The following NOS1 variants were observed in gnomAD, a reference collection of about 807,000 sequenced individuals.
NOS1 encodes nitric oxide synthase 1.
A neutral mutation model predicts 164.5 loss-of-function variants in NOS1; 51 were observed. The ratio of observed to expected loss-of-function variants is 0.31; its 90% confidence interval spans 0.25 to 0.39. The LOEUF is 0.39. Ranked by LOEUF, NOS1 falls within the 10% of genes least tolerant of loss-of-function variation. The pLI is 1.00. For synonymous variants in NOS1, 719 were observed against 745.8 expected (o/e 0.96, Z 0.59); for missense variants, 1,362 against 1,885.6 (o/e 0.72, Z 5.14).
At chr12:117,220,047 G>C in intron 27 of NOS1, 28 bp downstream of exon 27, 3 of 1,577,210 alleles carry the variant, frequency 1.9e-6, no homozygotes, top group Non-Finnish European at 2.6e-6. Flanking sequence ...GTAGGAAAAG[G>C]GACCTGGGAA....
At chr12:117,279,112 C>A (rs1465302620) in intron 8 of NOS1, among the ~76,000 whole-genome samples, 3 of 151,964 alleles carry the variant, frequency 2.0e-5, no homozygotes, top group African/African-American at 7.2e-5. Context: ...GGCGCGGTGG[C>A]TCACGCCTGT....
At chr12:117,296,089 G>T (rs2136034538) in intron 3 of NOS1, among the ~76,000 whole-genome samples, 1 of 152,180 alleles carries the variant, frequency 6.6e-6, no homozygotes, top group Admixed American at 6.5e-5. Context: ...ATATCTTGTA[G>T]ATATAGATTT....
At chr12:117,301,101 G>T (rs1459625923) in intron 3 of NOS1, among the ~76,000 whole-genome samples, 1 of 152,198 alleles carries the variant, frequency 6.6e-6, no homozygotes, top group Non-Finnish European at 1.5e-5. Flanking sequence ...TGGCTCGGCT[G>T]TGAACTGCTC....
intron 1 of NOS1, among the ~76,000 whole-genome samples, chr12:117,351,908 T>C (rs1048784368): frequency 6.6e-6 from 1 of 152,184 alleles, no homozygotes; most frequent in Non-Finnish European, 1.5e-5. Context: ...CTGCTGAGCA[T>C]GGTGGCTTAC....
chr12:117,352,171 T>C lies in NOS1; in HGVS notation c.-421+9341A>G, dbSNP rs1219603163. 2.8e-5 allele frequency among the ~76,000 whole-genome samples: 4 copies of C among 140,714 alleles called. No homozygotes were observed. The East Asian group carries it at 9.5e-4, about 34-fold the overall frequency. The allele number at this position is 140,714 out of a possible 152,430, so 92.3% of individuals were successfully genotyped here. A position where few individuals can be genotyped will look rare whatever the true frequency, so the allele number is the denominator to read the frequency against. On this transcript the variant is annotated intron_variant, in intron 1 of 28. Coordinates refer to ENST00000317775, the MANE Select transcript of NOS1 (RefSeq NM_000620.5). ...CTGGGTGACAGAGTAAGACGCTGTC[T>C]CAGAAATACATACATACATACATAC... is the stretch of plus-strand genomic sequence containing the variant.
chr12:117,338,949 C>A (rs1044848264), intron 1 of NOS1, among the ~76,000 whole-genome samples: 6 of 152,186 alleles, frequency 3.9e-5, no homozygotes, highest in African/African-American at 1.4e-4. Context: ...TCCTCCAAGT[C>A]TTCAAAAACA....
rs577190706 is a variant in NOS1 at position 117,286,048 on chromosome 12, C to T, written c.1290+56G>A. On this transcript the variant is annotated intron_variant, in intron 6 of 28. Coordinates refer to ENST00000317775, the MANE Select transcript of NOS1 (RefSeq NM_000620.5). The stretch of plus-strand genomic sequence containing the variant: ...TCCTTTTTAAAGCTCCATCCACTCC[C>T]CTTCCCCTCTTCCCTCATTTAAGGG... 29 of 1,585,830 alleles carry T rather than the reference C, an allele frequency of 1.8e-5. No homozygotes were observed. In the South Asian group the frequency reaches 2.7e-4, roughly 15 times the overall value.
At chr12:117,352,500 C>A (rs1468288702) in intron 1 of NOS1, among the ~76,000 whole-genome samples, 5 of 152,214 alleles carry the variant, frequency 3.3e-5, no homozygotes, top group Non-Finnish European at 7.3e-5. Flanking sequence ...CTGTCGCCTG[C>A]TCACTGCTCA....
At chr12:117,262,383 G>A (rs1566045937) in intron 13 of NOS1, among the ~76,000 whole-genome samples, 2 of 150,986 alleles carry the variant, frequency 1.3e-5, no homozygotes, top group Admixed American at 6.6e-5. Context: ...TTGCTTGGCT[G>A]GGGGATGGGA....
At chr12:117,260,746 G>A (rs1871835135) in intron 13 of NOS1, 137 bp from the exon 14 acceptor site, 1 of 852,322 alleles carries the variant, frequency 1.2e-6, no homozygotes, top group African/African-American at 1.7e-5. Context: ...ATGGCTTCAG[G>A]GGTTTCCTCA....
intron 1 of NOS1, among the ~76,000 whole-genome samples, chr12:117,337,943 G>A (rs893295281): frequency 5.9e-5 from 9 of 152,042 alleles, no homozygotes; most frequent in Non-Finnish European, 1.0e-4. Flanking sequence ...GGACAGGCGC[G>A]GTGGCTCACA....
intron 4 of NOS1, among the ~76,000 whole-genome samples, chr12:117,289,745 C>G (rs1872924837): frequency 6.6e-6 from 1 of 152,142 alleles, no homozygotes; most frequent in Admixed American, 6.6e-5. Context: ...TTCTGTGTCT[C>G]TTTGTCTTGC....
rs1870716055 is a variant in NOS1 at position 117,247,528 on chromosome 12, AAGG to A, written c.2649-9_2649-7del. 2 of 1,606,730 alleles carry A rather than the reference AAGG, an allele frequency of 1.2e-6. No individual in the cohort carries two copies. The highest frequency in any genetic ancestry group is 1.7e-6 in the Non-Finnish European group (2 of 1,176,530). ...CGAGGCCAAAAACTGAGAACCTGTC[AAGG>A]AGATGACAGAATGTTCATGCTAAGG... On this transcript the variant is annotated splice_region_variant and splice_polypyrimidine_tract_variant and intron_variant, in intron 17 of 28. Coordinates refer to ENST00000317775, the MANE Select transcript of NOS1 (RefSeq NM_000620.5).
At chr12:117,302,770 G>A (rs1486858278) in intron 3 of NOS1, among the ~76,000 whole-genome samples, 1 of 151,856 alleles carries the variant, frequency 6.6e-6, no homozygotes, top group Admixed American at 6.6e-5. Flanking sequence ...TTTTGAGATA[G>A]GGTCTCACTC....
At chr12:117,264,919 G>A (rs1357605015) in intron 12 of NOS1, among the ~76,000 whole-genome samples, 2 of 151,852 alleles carry the variant, frequency 1.3e-5, no homozygotes, top group African/African-American at 4.8e-5. Context: ...GGCCAGGCTG[G>A]TCTCGAACTC....
intron 13 of NOS1, among the ~76,000 whole-genome samples, chr12:117,263,617 T>C (rs1160807268): frequency 8.6e-6 from 1 of 116,874 alleles, no homozygotes; most frequent in Non-Finnish European, 1.9e-5. Flanking sequence ...ATTATTATTA[T>C]TATTAGGAGG....
Position 117,209,528 on chromosome 12 carries a change from G to T in NOS1, c.*5781C>A. The stretch of plus-strand genomic sequence containing the variant: ...GGCAGATTTGTTCCCGCCTGCCAGG[G>T]CCATCTCGTTAATAACGGACTGTGT... On this transcript the variant is annotated 3_prime_UTR_variant, in exon 29 of 29. Coordinates refer to ENST00000317775, the MANE Select transcript of NOS1 (RefSeq NM_000620.5). The T allele has an allele frequency of 1.0e-6, 1 of 985,470 alleles. No homozygotes were observed. Among genetic ancestry groups the T allele is most frequent in the Non-Finnish European group, 1.2e-6 (1 of 829,948 alleles). 61.0% of individuals were successfully genotyped at this position (985,470 alleles called of 1,614,324 possible). A position where few individuals can be genotyped will look rare whatever the true frequency, so the allele number is the denominator to read the frequency against.
intron 1 of NOS1, among the ~76,000 whole-genome samples, chr12:117,357,153 T>A (rs1231833434): frequency 2.0e-5 from 3 of 152,064 alleles, no homozygotes; most frequent in Admixed American, 1.3e-4. Flanking sequence ...CAAAACCCCG[T>A]CTCTACAAAA....
chr12:117,228,628 C>T (rs986502327), intron 22 of NOS1, among the ~76,000 whole-genome samples: 1 of 152,064 alleles, frequency 6.6e-6, no homozygotes, highest in Non-Finnish European at 1.5e-5. Context: ...GTTATTTTTC[C>T]TTAATCTCAG....
Sources: gnomAD v4.1 joint callset for allele counts (sites outside exome capture counted in the v4.1 genomes callset) on GRCh38, gnomAD v4.1.1 for gene constraint, MANE v1.5 for transcripts, NCBI Gene and HGNC (gene_info 2026-07-23, HGNC 2026-07-21) for gene names.